SCN10A: variants seen among roughly 807,000 people sequenced by gnomAD.
SCN10A encodes sodium voltage-gated channel alpha subunit 10, also known as sodium channel protein type 10 subunit alpha.
In SCN10A, 162 loss-of-function variants were observed where a neutral mutation model predicts 170.7. That is an observed-to-expected ratio of 0.95 (90% CI 0.84 to 1.08). The LOEUF (loss-of-function observed/expected upper bound fraction) is 1.08, where lower values mean the gene tolerates loss of function less well. Ranked by LOEUF, SCN10A falls within the 50% of genes least tolerant of loss-of-function variation. The pLI is 0.00. For synonymous variants in SCN10A, 985 were observed against 904.6 expected (o/e 1.09, Z -1.59); for missense variants, 2,527 against 2,436.9 (o/e 1.04, Z -0.78).
chr3:38,719,821 G>A (rs980133979), intron 20 of SCN10A, among the ~76,000 whole-genome samples: 2 of 152,242 alleles, frequency 1.3e-5, no homozygotes, highest in African/African-American at 4.8e-5. Flanking sequence ...GGACACTGGA[G>A]GCTGTTGGTG....
intron 11 of SCN10A, among the ~76,000 whole-genome samples, chr3:38,753,347 A>G (rs1277558665): frequency 6.6e-6 from 1 of 152,226 alleles, no homozygotes; most frequent in Non-Finnish European, 1.5e-5. Flanking sequence ...CAGGTGGTCT[A>G]TAGTATGTAC....
At position 38,701,860 on chromosome 3, in the gene SCN10A, C is replaced by T. The variant is rs2063159344; in HGVS notation, c.4636G>A (p.Val1546Met). The T allele has an allele frequency of 6.2e-7, 1 of 1,611,210 alleles. No homozygotes were observed. Residue 1546 changes from valine (V) to methionine (M), a missense_variant, in exon 27 of 28, where the codon GTG becomes ATG. Val to Met is a conservative substitution (Grantham distance 21). Coordinates refer to ENST00000449082, the MANE Select transcript of SCN10A (RefSeq NM_006514.4). Reference sequence around the variant, plus strand: ...TTACTCGCAATGGAGAGAACCACCACAATGAAGTCAAACACATTCCAGCCA... The same window carrying T: ...TTACTCGCAATGGAGAGAACCACCATAATGAAGTCAAACACATTCCAGCCA... ...TNGWNVFDFI[V>M]VVLSIASLIF...
At position 38,808,576 on chromosome 3, in the gene SCN10A, C is replaced by T. The variant is rs114733264; in HGVS notation, c.-33+7461G>A. On this transcript the variant is annotated intron_variant, in intron 1 of 27. Transcript: ENST00000449082. The stretch of plus-strand genomic sequence containing the variant: ...GATAAATATTTGTGGAGTGAAAGAA[C>T]AAATGAATGAATGATGATGGCTTTC... 3.0e-3 allele frequency among the ~76,000 whole-genome samples: 464 copies of T among 152,234 alleles called. 3 individuals are homozygous for T. Among genetic ancestry groups the T allele is most frequent in the African/African-American group, 0.01 (435 of 41,554 alleles).
intron 23 of SCN10A, among the ~76,000 whole-genome samples, chr3:38,711,593 C>A (rs1367508339): frequency 1.3e-5 from 2 of 152,118 alleles, no homozygotes; most frequent in Admixed American, 1.3e-4. Context: ...ATGCAAGAAC[C>A]AATGGTGGAA....
chr3:38,725,001 G>T (rs764931376), intron 18 of SCN10A, among the ~76,000 whole-genome samples, 173 bp downstream of exon 18: 1 of 152,136 alleles, frequency 6.6e-6, no homozygotes, highest in Non-Finnish European at 1.5e-5. Context: ...GAAATTGTGC[G>T]GATTAGCCGG....
At chr3:38,792,008 T>C (rs938807965) in intron 3 of SCN10A, 42 bp downstream of exon 3, 58 of 1,608,392 alleles carry the variant, frequency 3.6e-5, no homozygotes, top group Non-Finnish European at 4.8e-5. Context: ...GTAGGCAAGG[T>C]CTAATTGTAA....
At chr3:38,761,524 T>C in intron 6 of SCN10A, 141 bp from the exon 7 acceptor site, 1 of 561,566 alleles carries the variant, frequency 1.8e-6, no homozygotes, top group Non-Finnish European at 2.9e-6. Context: ...AAGACCTTTC[T>C]CATCCGAAGC....
intron 4 of SCN10A, among the ~76,000 whole-genome samples, chr3:38,788,216 CAAAAAAAAA>C (rs561959910): frequency 1.3e-4 from 13 of 97,834 alleles, no homozygotes; most frequent in Admixed American, 3.5e-4. Context: ...TTATGATTAG[CAAAAAAAAA>C]AAAAAAAAAA....
At chr3:38,763,732 C>A (rs2126034541) in intron 5 of SCN10A, 136 bp from the exon 6 acceptor site, 2 of 655,788 alleles carry the variant, frequency 3.0e-6, no homozygotes, top group East Asian at 5.3e-5. Flanking sequence ...GTGACACTGC[C>A]ATCTATAGAC....
chr3:38,772,363 A>G (rs1415575458), intron 4 of SCN10A, among the ~76,000 whole-genome samples: 11 of 151,896 alleles, frequency 7.2e-5, no homozygotes, highest in Non-Finnish European at 1.2e-4. Context: ...AGAAAAAGAG[A>G]CAATAAAGAG....
Position 38,746,083 on chromosome 3 carries a change from A to G in SCN10A, c.1868-3554T>C, listed in dbSNP as rs1382779391. 9.5e-3 allele frequency among the ~76,000 whole-genome samples: 928 copies of G among 97,438 alleles called. 52 individuals carry two copies. Among genetic ancestry groups the G allele is most frequent in the East Asian group, 0.018 (41 of 2,322 alleles). 63.9% of individuals were successfully genotyped at this position (97,438 alleles called of 152,430 possible). A position where few individuals can be genotyped will look rare whatever the true frequency, so the allele number is the denominator to read the frequency against. On this transcript the variant is annotated intron_variant, in intron 13 of 27. Coordinates refer to ENST00000449082, the MANE Select transcript of SCN10A (RefSeq NM_006514.4). Reference sequence around the variant, plus strand: ...TATGTGTATATATATATATATATATATATATATATATATATATGCCATCTT... The same window carrying G: ...TATGTGTATATATATATATATATATGTATATATATATATATATGCCATCTT...
intron 26 of SCN10A, among the ~76,000 whole-genome samples, chr3:38,704,080 G>A (rs2063184534): frequency 6.6e-6 from 1 of 152,234 alleles, no homozygotes; most frequent in Admixed American, 6.5e-5. Context: ...CTCTGCATGA[G>A]TGGCTATGAG....
chr3:38,744,426 C>G (rs554436808), intron 13 of SCN10A, among the ~76,000 whole-genome samples: 2 of 150,980 alleles, frequency 1.3e-5, no homozygotes, highest in African/African-American at 4.9e-5. Flanking sequence ...TGTATGTAGT[C>G]AAGATTTATC....
rs761466880 is a variant in SCN10A at position 38,727,078 on chromosome 3, A to G, written c.2641-26T>C. 33 of 1,586,682 alleles carry G rather than the reference A, an allele frequency of 2.1e-5. No homozygotes were observed. In the Admixed American group the frequency reaches 2.5e-4, roughly 12 times the overall value. ...CTGAAGAGAAGGAATGGAAGGGAAG[A>G]TTGATCAATCTCTAAGCTGAGCCCC... On this transcript the variant is annotated intron_variant, in intron 16 of 27. Coordinates refer to ENST00000449082, the MANE Select transcript of SCN10A (RefSeq NM_006514.4).
At chr3:38,748,543 G>A (rs1037380809) in intron 13 of SCN10A, among the ~76,000 whole-genome samples, 19 of 152,158 alleles carry the variant, frequency 1.2e-4, no homozygotes, top group African/African-American at 4.3e-4. Context: ...AGTTGAGCTG[G>A]TCCTTTGTCA....
intron 4 of SCN10A, among the ~76,000 whole-genome samples, chr3:38,775,660 G>C (rs1237446257): frequency 3.9e-5 from 6 of 152,166 alleles, no homozygotes; most frequent in East Asian, 3.9e-4. Flanking sequence ...CATATATATA[G>C]TGAAGATATG....
At chr3:38,703,367 A>G (rs1466613095) in intron 26 of SCN10A, among the ~76,000 whole-genome samples, 1 of 152,236 alleles carries the variant, frequency 6.6e-6, no homozygotes, top group Non-Finnish European at 1.5e-5. Context: ...AACTTAAAGC[A>G]GAATATTTCA....
At chr3:38,811,248 T>G (rs2064439376) in intron 1 of SCN10A, among the ~76,000 whole-genome samples, 1 of 152,008 alleles carries the variant, frequency 6.6e-6, no homozygotes, top group Non-Finnish European at 1.5e-5. Flanking sequence ...AGGTCAGAAG[T>G]TCAAGACCAG....
chr3:38,807,846 C>T (rs1209990984), intron 1 of SCN10A, among the ~76,000 whole-genome samples: 1 of 152,132 alleles, frequency 6.6e-6, no homozygotes, highest in Non-Finnish European at 1.5e-5. Flanking sequence ...TCCCTCTCCC[C>T]ACCTCTTCAC....
Sources: gnomAD v4.1 joint callset for allele counts (sites outside exome capture counted in the v4.1 genomes callset) on GRCh38, gnomAD v4.1.1 for gene constraint, MANE v1.5 for transcripts, NCBI Gene and HGNC (gene_info 2026-07-23, HGNC 2026-07-21) for gene names.